The following RAB8B variants were observed in gnomAD, a reference collection of about 807,000 sequenced individuals.
RAB8B encodes RAB8B, member RAS oncogene family.
A neutral mutation model predicts 32.0 loss-of-function variants in RAB8B; 11 were observed. That is an observed-to-expected ratio of 0.34 (90% CI 0.22 to 0.57). RAB8B has a LOEUF of 0.57. Among genes scored for constraint, RAB8B ranks in the 20% least tolerant of loss-of-function variants. The pLI is 0.86. For missense variants in RAB8B, 190 were observed against 258.5 expected, an observed-to-expected ratio of 0.73 and a Z score of 1.82; for synonymous variants, 103 against 89.6, an observed-to-expected ratio of 1.15 and a Z score of -0.85.
chr15:63,250,067 A>C (rs374805093), intron 3 of RAB8B, among the ~76,000 whole-genome samples: 1 of 152,276 alleles, frequency 6.6e-6, no homozygotes, highest in East Asian at 1.9e-4. Context: ...ACCCAGGAAG[A>C]GGAGCTTGCA....
In RAB8B at chr15:63,224,324, A is replaced by G. The variant is rs141722060; in HGVS notation, c.125-20432A>G. Among the ~76,000 whole-genome samples, 847 of 152,320 alleles carry G rather than the reference A, an allele frequency of 5.6e-3. 7 individuals carry two copies. The highest frequency in any genetic ancestry group is 0.018 in the African/African-American group (757 of 41,566). ...TTAAAAGGTATTCTTCAAATGGCCA[A>G]GTACATTTGACCACTGATAATACCC... On this transcript the variant is annotated intron_variant, in intron 1 of 7. Coordinates refer to ENST00000321437, the MANE Select transcript of RAB8B (RefSeq NM_016530.3).
At chr15:63,239,982 G>A (rs1187121602) in intron 1 of RAB8B, among the ~76,000 whole-genome samples, 1 of 152,162 alleles carries the variant, frequency 6.6e-6, no homozygotes, top group African/African-American at 2.4e-5. Flanking sequence ...TGGGTGGAAT[G>A]GCATCCTCAG....
intron 1 of RAB8B, among the ~76,000 whole-genome samples, chr15:63,214,028 C>T (rs1413679502): frequency 5.3e-5 from 8 of 151,832 alleles, no homozygotes; most frequent in Admixed American, 5.2e-4. Context: ...TTGTGGTGAG[C>T]CAAGATTGTG....
chr15:63,224,851 T>G (rs540294422), intron 1 of RAB8B, among the ~76,000 whole-genome samples: 44 of 152,322 alleles, frequency 2.9e-4, no homozygotes, highest in African/African-American at 1.1e-3. Context: ...TAAAGGGTGA[T>G]TCTCCTGTTA....
rs1488540364 is a variant in RAB8B, at chr15:63,233,052, A to ATTTTTT, written c.125-11702_125-11701insTTTTTT. On this transcript the variant is annotated intron_variant, in intron 1 of 7. Coordinates refer to ENST00000321437, the MANE Select transcript of RAB8B (RefSeq NM_016530.3). Reference sequence around the variant, plus strand: ...CCTCTTTTTTTTCAATCTAAGTAGCATTCTTTTTTTTTTTCTTTTTTGTTG... The same window carrying ATTTTTT: ...CCTCTTTTTTTTCAATCTAAGTAGCATTTTTTTTCTTTTTTTTTTTCTTTTTTGTTG... 5.5e-4 allele frequency among the ~76,000 whole-genome samples: 41 copies of ATTTTTT among 74,256 alleles called. 1 individual carries two copies. The highest frequency in any genetic ancestry group is 1.2e-3 in the Non-Finnish European group (37 of 30,786). The allele number at this position is 74,256 out of a possible 152,430, so 48.7% of individuals were successfully genotyped here.
At chr15:63,236,490 TGGGTCATG>T (rs574357515) in intron 1 of RAB8B, among the ~76,000 whole-genome samples, 1 of 152,288 alleles carries the variant, frequency 6.6e-6, no homozygotes, top group Non-Finnish European at 1.5e-5. Flanking sequence ...TGCCTCCTGG[TGGGTCATG>T]GACTGCTCAT....
chr15:63,218,552 T>A (rs1416859133), intron 1 of RAB8B, among the ~76,000 whole-genome samples: 1 of 152,234 alleles, frequency 6.6e-6, no homozygotes, highest in Non-Finnish European at 1.5e-5. Flanking sequence ...TGGATTGTTT[T>A]AAGCTGGAGT....
chr15:63,212,143 A>G (rs1428340290), intron 1 of RAB8B, among the ~76,000 whole-genome samples: 1 of 152,156 alleles, frequency 6.6e-6, no homozygotes. Context: ...TAAAAGCCCC[A>G]TCTTCCTACA....
At chr15:63,246,126 G>A (rs533721622) in intron 2 of RAB8B, among the ~76,000 whole-genome samples, 68 of 152,264 alleles carry the variant, frequency 4.5e-4, no homozygotes, top group African/African-American at 1.5e-3. Flanking sequence ...GCCCGCCTCA[G>A]CCTCCCAAAG....
At chr15:63,235,264 A>G (rs757472185) in intron 1 of RAB8B, among the ~76,000 whole-genome samples, 2 of 152,132 alleles carry the variant, frequency 1.3e-5, no homozygotes, top group Non-Finnish European at 2.9e-5. Context: ...TGGGCTACCA[A>G]GGGCTCACAG....
intron 2 of RAB8B, among the ~76,000 whole-genome samples, chr15:63,247,858 A>G (rs753870792): frequency 6.6e-6 from 1 of 152,224 alleles, no homozygotes; most frequent in Non-Finnish European, 1.5e-5. Context: ...TAACTACTCA[A>G]CTGCCCTGGA....
intron 1 of RAB8B, among the ~76,000 whole-genome samples, chr15:63,208,001 AT>A (rs1239572592): frequency 6.6e-6 from 1 of 152,164 alleles, no homozygotes; most frequent in Non-Finnish European, 1.5e-5. Flanking sequence ...TTCCAGTCTC[AT>A]TTGGGCAGCG....
intron 1 of RAB8B, among the ~76,000 whole-genome samples, chr15:63,201,191 G>A (rs1469074386): frequency 3.3e-5 from 5 of 152,126 alleles, no homozygotes; most frequent in South Asian, 2.1e-4. Flanking sequence ...ATTTTGAAAC[G>A]GGAAAGAGTT....
chr15:63,265,196 G>A lies in RAB8B; in HGVS notation c.*1577G>A, dbSNP rs1204549820. The A allele has an allele frequency of 1.3e-5, 2 of 152,292 alleles. No individual in the cohort carries two copies. Among genetic ancestry groups the A allele is most frequent in the Non-Finnish European group, 2.9e-5 (2 of 68,038 alleles). 9.4% of individuals were successfully genotyped at this position (152,292 alleles called of 1,614,324 possible). A position where few individuals can be genotyped will look rare whatever the true frequency, so the allele number is the denominator to read the frequency against. ...TAAGAACAGGAGATGGCAGTGGAAAGGGATTGCTTGTTACCACAGAGAATT... is the reference window on the plus strand; with the variant it reads ...TAAGAACAGGAGATGGCAGTGGAAAAGGATTGCTTGTTACCACAGAGAATT... On this transcript the variant is annotated 3_prime_UTR_variant, in exon 8 of 8. Coordinates refer to ENST00000321437, the MANE Select transcript of RAB8B (RefSeq NM_016530.3). This position sits in a 1 kb window ranked among gnomAD's most constrained non-coding sequence, Gnocchi z 4.9.
intron 1 of RAB8B, among the ~76,000 whole-genome samples, chr15:63,224,333 G>T (rs532816616): frequency 6.6e-6 from 1 of 152,258 alleles, no homozygotes; most frequent in Admixed American, 6.5e-5. Flanking sequence ...AAGTACATTT[G>T]ACCACTGATA....
chr15:63,225,305 G>A (rs7179092), intron 1 of RAB8B, among the ~76,000 whole-genome samples: 136,248 of 152,246 alleles, frequency 0.89, 61,277 homozygotes, highest in Non-Finnish European at 0.95. Context: ...CAGAATTTCA[G>A]ACTTGACCAG....
intron 1 of RAB8B, among the ~76,000 whole-genome samples, chr15:63,217,706 T>A (rs1030571997): frequency 2.0e-5 from 3 of 152,246 alleles, no homozygotes; most frequent in African/African-American, 7.2e-5. Context: ...TACCTTTAGC[T>A]TGTCTTTTTA....
rs112586711 is a variant in RAB8B, at chr15:63,206,824, C to T, written c.124+17076C>T. On this transcript the variant is annotated intron_variant, in intron 1 of 7. Transcript: ENST00000321437. ...AGAGAAGTCTTGTCCCCCATCTCCT[C>T]ACTCATTAACCCCTCAAAGTCCTGC... Among the ~76,000 whole-genome samples the T allele has an allele frequency of 8.7e-3, 1,331 of 152,254 alleles. 19 individuals carry two copies. The highest frequency in any genetic ancestry group is 0.014 in the Middle Eastern group (4 of 294).
chr15:63,253,146 G>A (rs2038130737), intron 3 of RAB8B, among the ~76,000 whole-genome samples: 1 of 152,218 alleles, frequency 6.6e-6, no homozygotes, highest in South Asian at 2.1e-4. Context: ...GCTGGAAGAA[G>A]GGAGGATAGA....
Sources: allele counts gnomAD v4.1 joint callset (sites outside exome capture counted in the v4.1 genomes callset), GRCh38; gene constraint gnomAD v4.1.1; non-coding constraint Gnocchi (gnomAD v3.1); transcripts MANE v1.5; gene names NCBI Gene and HGNC (gene_info 2026-07-23, HGNC 2026-07-21).